The following LYPD1 variants were observed in gnomAD, a reference collection of about 807,000 sequenced individuals.
The protein encoded by LYPD1 is ly6/PLAUR domain-containing protein 1.
LYPD1 carries 14 observed loss-of-function variants against 14.2 expected under a neutral mutation model. That is an observed-to-expected ratio of 0.99 (90% CI 0.65 to 1.54). The LOEUF (loss-of-function observed/expected upper bound fraction) is 1.54. Ranked by LOEUF, LYPD1 falls within the 40% of genes most tolerant of loss-of-function variation. The pLI is 0.00. For missense variants in LYPD1, 165 were observed against 175.7 expected (o/e 0.94, Z 0.34); for synonymous variants, 85 against 70.6 (o/e 1.20, Z -1.02).
rs1682794973 is a variant in LYPD1 at position 132,659,328 on chromosome 2, GAC to G, written c.190+9070_190+9071del. 7.2e-5 allele frequency among the ~76,000 whole-genome samples: 11 copies of G among 152,270 alleles called. No individual in the cohort carries two copies. In the South Asian group the frequency reaches 2.3e-3, roughly 32 times the overall value. ...CCAGTGAGTGTGTGTGTCTGTGTAAGACAGAGGGAAGGTGAGGTAGAGAGAGA... is the reference window on the plus strand; with the variant it reads ...CCAGTGAGTGTGTGTGTCTGTGTAAGAGAGGGAAGGTGAGGTAGAGAGAGA... On this transcript the variant is annotated intron_variant, in intron 2 of 2. Coordinates refer to ENST00000397463, the MANE Select transcript of LYPD1 (RefSeq NM_144586.7).
At chr2:132,671,021 C>G (rs925245056), upstream of LYPD1, among the ~76,000 whole-genome samples, 7 of 152,182 alleles carry the variant, frequency 4.6e-5, no homozygotes, top group African/African-American at 1.7e-4. Flanking sequence ...GTCTCCCAAA[C>G]GCCAGCCGGC....
intron 2 of LYPD1, among the ~76,000 whole-genome samples, chr2:132,665,793 A>G (rs956352707): frequency 6.6e-6 from 1 of 152,202 alleles, no homozygotes; most frequent in Non-Finnish European, 1.5e-5. Flanking sequence ...ACCACAGACT[A>G]TGAAATGGGC....
chr2:132,656,722 C>T (rs1682616551), intron 2 of LYPD1, among the ~76,000 whole-genome samples: 1 of 152,194 alleles, frequency 6.6e-6, no homozygotes. Context: ...CTCTTAAGTA[C>T]TTTTGCTTTG....
At chr2:132,655,981 T>C (rs181158099) in intron 2 of LYPD1, among the ~76,000 whole-genome samples, 11 of 152,300 alleles carry the variant, frequency 7.2e-5, no homozygotes, top group Admixed American at 2.0e-4. Context: ...CAGATGTACA[T>C]ACAACTTTCG....
At position 132,646,295 on chromosome 2, in the gene LYPD1, C is replaced by G. The variant is rs1300944336; in HGVS notation, c.191-15G>C. ...GTACATGATCCCTGTAACACAGACCCAAAGGAGCTGAGTTAACGTGCACCG... is the reference window on the plus strand; with the variant it reads ...GTACATGATCCCTGTAACACAGACCGAAAGGAGCTGAGTTAACGTGCACCG... On this transcript the variant is annotated splice_polypyrimidine_tract_variant and intron_variant, in intron 2 of 2. Transcript: ENST00000397463. The G allele has an allele frequency of 6.9e-7, 1 of 1,441,896 alleles. No individual in the cohort carries two copies. Among genetic ancestry groups the G allele is most frequent in the South Asian group, 1.6e-5 (1 of 63,484 alleles). The allele number at this position is 1,441,896 out of a possible 1,614,324, so 89.3% of individuals were successfully genotyped here. A position where few individuals can be genotyped will look rare whatever the true frequency, so the allele number is the denominator to read the frequency against.
chr2:132,647,435 TG>T, intron 2 of LYPD1, among the ~76,000 whole-genome samples: 1 of 152,350 alleles, frequency 6.6e-6, no homozygotes, highest in African/African-American at 2.4e-5. Flanking sequence ...TGTGTATGTA[TG>T]TGGCTTTTTT....
chr2:132,660,049 C>A (rs1682839868), intron 2 of LYPD1, among the ~76,000 whole-genome samples: 1 of 152,224 alleles, frequency 6.6e-6, no homozygotes, highest in Non-Finnish European at 1.5e-5. Context: ...TGGACCACTG[C>A]AGGCTGAGAG....
At position 132,662,465 on chromosome 2, in the gene LYPD1, G is replaced by A. The variant is rs183829352; in HGVS notation, c.190+5935C>T. On this transcript the variant is annotated intron_variant, in intron 2 of 2. Coordinates refer to ENST00000397463, the MANE Select transcript of LYPD1 (RefSeq NM_144586.7). ...TAAGGGAGCCAATACACTTTCCATT[G>A]GACAAGTAAAAAATAGGGGTTGAAG... Among the ~76,000 whole-genome samples, 35 of 152,208 alleles carry A rather than the reference G, an allele frequency of 2.3e-4. No homozygotes were observed. The East Asian group carries it at 6.4e-3, about 28-fold the overall frequency.
chr2:132,645,081 TC>T lies in LYPD1; in HGVS notation c.*963del. On this transcript the variant is annotated 3_prime_UTR_variant, in exon 3 of 3. Coordinates refer to ENST00000397463, the MANE Select transcript of LYPD1 (RefSeq NM_144586.7). ...TGTTTTTCTTTTCTCTGTCTCTCCC[TC>T]CTGCTCGTGTCTGCCCAGGGCTGAT... The T allele has an allele frequency of 6.3e-7, 1 of 1,597,408 alleles. No homozygotes were observed. Among genetic ancestry groups the T allele is most frequent in the Admixed American group, 1.7e-5 (1 of 58,534 alleles).
At chr2:132,657,672 T>C (rs1168913355) in intron 2 of LYPD1, among the ~76,000 whole-genome samples, 2 of 152,238 alleles carry the variant, frequency 1.3e-5, no homozygotes, top group African/African-American at 2.4e-5. Context: ...CAGCATTCAA[T>C]GAACTAGAAT....
rs745346748 is a variant in LYPD1, at chr2:132,645,654, G to A, written c.*391C>T. On this transcript the variant is annotated 3_prime_UTR_variant, in exon 3 of 3. Transcript: ENST00000397463. ...GTGGGAACTGGCCCTCCAGCCCTAAGAAAACGTCACTCTCACTCTGCAGTC... is the reference window on the plus strand; with the variant it reads ...GTGGGAACTGGCCCTCCAGCCCTAAAAAAACGTCACTCTCACTCTGCAGTC... 1.0e-5 allele frequency: 16 copies of A among 1,567,764 alleles called. No individual in the cohort carries two copies. In the African/African-American group the frequency reaches 1.9e-4, roughly 19 times the overall value.
rs777150785 is a variant in LYPD1 at position 132,646,015 on chromosome 2, A to G, written c.*30T>C. On this transcript the variant is annotated 3_prime_UTR_variant, in exon 3 of 3. Transcript: ENST00000397463. ...GTTGGGGGCGAGGGCTGGAAGAACA[A>G]TGCAGGAGGGGGTGGCATCTCCTTC... 27 of 1,487,762 alleles carry G rather than the reference A, an allele frequency of 1.8e-5. 1 individual carries two copies. The South Asian group carries it at 3.5e-4, about 19-fold the overall frequency. The allele number at this position is 1,487,762 out of a possible 1,614,324, so 92.2% of individuals were successfully genotyped here.
Position 132,645,941 on chromosome 2 carries a change from A to G in LYPD1, c.*104T>C, listed in dbSNP as rs1682045692. ...AAGAGAACACGGACTCCCGCTCCCT[A>G]CCCAGAATAAAAGGACACCCAGAAG... On this transcript the variant is annotated 3_prime_UTR_variant, in exon 3 of 3. Transcript: ENST00000397463. 1 of 841,798 alleles carries G rather than the reference A, an allele frequency of 1.2e-6. No homozygotes were observed. The highest frequency in any genetic ancestry group is 2.7e-5 in the East Asian group (1 of 36,722). The allele number at this position is 841,798 out of a possible 1,614,324, so 52.1% of individuals were successfully genotyped here.
At chr2:132,665,101 A>C (rs1361796445) in intron 2 of LYPD1, among the ~76,000 whole-genome samples, 1 of 152,240 alleles carries the variant, frequency 6.6e-6, no homozygotes, top group East Asian at 1.9e-4. Context: ...AGAGTGGTGG[A>C]TAATAATCTC....
rs1450977197 is a variant in LYPD1 at position 132,669,772 on chromosome 2, GC to G, written c.52+108del. 6 of 1,504,208 alleles carry G rather than the reference GC, an allele frequency of 4.0e-6. No individual in the cohort carries two copies. Among genetic ancestry groups the G allele is most frequent in the African/African-American group, 1.5e-5 (1 of 68,416 alleles). 93.2% of individuals were successfully genotyped at this position (1,504,208 alleles called of 1,614,324 possible). On this transcript the variant is annotated intron_variant, in intron 1 of 2. Transcript: ENST00000397463. The surrounding 1 kb of genome is among the most constrained non-coding windows in gnomAD (Gnocchi z 4.3). The stretch of plus-strand genomic sequence containing the variant: ...CGCGGCCGCCAACTCCCGCTGGGCA[GC>G]CCCAGCGCAGGGCTGGCCCCGAGGT...
Position 132,670,146 on chromosome 2 carries a change from T to G in LYPD1, c.-214A>C. 1 of 1,372,086 alleles carries G rather than the reference T, an allele frequency of 7.3e-7. No individual in the cohort carries two copies. Among genetic ancestry groups the G allele is most frequent in the Non-Finnish European group, 9.3e-7 (1 of 1,069,844 alleles). The allele number at this position is 1,372,086 out of a possible 1,614,324, so 85.0% of individuals were successfully genotyped here. On this transcript the variant is annotated 5_prime_UTR_variant, in exon 1 of 3. Transcript: ENST00000397463. The surrounding 1 kb of genome is among the most constrained non-coding windows in gnomAD (Gnocchi z 4.5). Reference sequence around the variant, plus strand: ...GCTCCCGGCTGCGGGTCTCTGCTCCTCCCGCTCGCGCTCCCGGGCCGAGCA... The same window carrying G: ...GCTCCCGGCTGCGGGTCTCTGCTCCGCCCGCTCGCGCTCCCGGGCCGAGCA...
At chr2:132,651,435 T>C (rs2104902167) in intron 2 of LYPD1, among the ~76,000 whole-genome samples, 1 of 152,214 alleles carries the variant, frequency 6.6e-6, no homozygotes, top group East Asian at 1.9e-4. Context: ...TAAGCTCAGG[T>C]CTGGGCCTGA....
chr2:132,656,541 A>G (rs1359861829), intron 2 of LYPD1, among the ~76,000 whole-genome samples: 2 of 152,202 alleles, frequency 1.3e-5, no homozygotes, highest in Non-Finnish European at 2.9e-5. Flanking sequence ...TTTGTCTGAA[A>G]GAACACTGTG....
chr2:132,670,308 G>A (rs1017671031), upstream of LYPD1: 4 of 294,290 alleles, frequency 1.4e-5, no homozygotes, highest in Non-Finnish European at 2.5e-5. This position sits in a 1 kb window ranked among gnomAD's most constrained non-coding sequence, Gnocchi z 4.5. Context: ...GGGGTGGCGG[G>A]CGGGGAAGGC....
Sources: gnomAD v4.1 joint callset for allele counts (sites outside exome capture counted in the v4.1 genomes callset) on GRCh38, gnomAD v4.1.1 for gene constraint, Gnocchi (gnomAD v3.1) non-coding constraint, MANE v1.5 for transcripts, NCBI Gene and HGNC (gene_info 2026-07-23, HGNC 2026-07-21) for gene names.